The following PCDH11Y variants were observed in gnomAD, a reference collection of about 807,000 sequenced individuals.
The protein encoded by PCDH11Y is protocadherin-11 Y-linked.
For synonymous variants in PCDH11Y, 9 were observed against 83.6 expected, an observed-to-expected ratio of 0.11 and a Z score of 4.87; for missense variants, 12 against 224.8, an observed-to-expected ratio of 0.05 and a Z score of 6.05.
chrY:5,165,684 C>T (rs2052878644), intron 2 of PCDH11Y, among the ~76,000 whole-genome samples: 1 of 32,740 alleles, frequency 3.1e-5, no homozygotes, highest in African/African-American at 1.2e-4. Flanking sequence ...AAAGGAATCA[C>T]ACACAAAAAC....
At chrY:5,411,409 C>G in intron 2 of PCDH11Y, among the ~76,000 whole-genome samples, 1 of 26,253 alleles carries the variant, frequency 3.8e-5, no homozygotes, top group African/African-American at 1.5e-4. Flanking sequence ...TTCATAGTTT[C>G]TTTTGCTATG....
chrY:5,149,609 C>CAT (rs2052862324), intron 2 of PCDH11Y, among the ~76,000 whole-genome samples: 6 of 21,828 alleles, frequency 2.7e-4, no homozygotes, highest in Admixed American at 4.2e-4. Context: ...CACACACACA[C>CAT]ATATATATAT....
At chrY:5,165,169 AAT>A (rs2052878042) in intron 2 of PCDH11Y, among the ~76,000 whole-genome samples, 1 of 30,711 alleles carries the variant, frequency 3.3e-5, no homozygotes. Flanking sequence ...GAGAGGACAT[AAT>A]AGACTGGATT....
At chrY:5,549,139 G>A in intron 3 of PCDH11Y, among the ~76,000 whole-genome samples, 2 of 32,070 alleles carry the variant, frequency 6.2e-5, no homozygotes, top group African/African-American at 2.4e-4. Context: ...CTCCTGCATA[G>A]CAAAAGAAAC....
chrY:5,462,863 T>A (rs2053305005), intron 2 of PCDH11Y, among the ~76,000 whole-genome samples: 1 of 32,384 alleles, frequency 3.1e-5, no homozygotes, highest in Non-Finnish European at 7.5e-5. Context: ...CTCGAACTCC[T>A]GACCTCAGGT....
intron 2 of PCDH11Y, among the ~76,000 whole-genome samples, chrY:5,241,976 A>G: frequency 3.3e-5 from 1 of 30,307 alleles, no homozygotes; most frequent in Non-Finnish European, 7.9e-5. Context: ...TAGGTGGGGC[A>G]CGGTGGCTCA....
intron 2 of PCDH11Y, among the ~76,000 whole-genome samples, chrY:5,226,072 C>T: frequency 5.7e-5 from 1 of 17,595 alleles, no homozygotes; most frequent in South Asian, 1.8e-3. Context: ...AGTGCAATGA[C>T]GTGCTCTCGG....
At chrY:5,171,884 A>G (rs2124645650) in intron 2 of PCDH11Y, among the ~76,000 whole-genome samples, 1 of 33,049 alleles carries the variant, frequency 3.0e-5, no homozygotes, top group South Asian at 6.9e-4. Flanking sequence ...AAACTCATGC[A>G]GCTTATCTCG....
At chrY:5,327,968 G>A in intron 2 of PCDH11Y, among the ~76,000 whole-genome samples, 4 of 32,631 alleles carry the variant, frequency 1.2e-4, no homozygotes, top group African/African-American at 4.9e-4. Flanking sequence ...AGAAGGGGAC[G>A]GGCTTACCCT....
At chrY:5,306,287 AAC>A (rs535976345) in intron 2 of PCDH11Y, among the ~76,000 whole-genome samples, 355 of 27,982 alleles carry the variant, frequency 0.013, no homozygotes, top group Middle Eastern at 0.033. Context: ...CTGAGCCAAT[AAC>A]ACACACACAC....
chrY:5,368,140 C>G, intron 2 of PCDH11Y, among the ~76,000 whole-genome samples: 1 of 33,682 alleles, frequency 3.0e-5, no homozygotes, highest in Non-Finnish European at 7.4e-5. Flanking sequence ...GGACTCCAAA[C>G]TGGGCAACAG....
At chrY:5,597,355 A>G in intron 4 of PCDH11Y, among the ~76,000 whole-genome samples, 3 of 28,914 alleles carry the variant, frequency 1.0e-4, no homozygotes, top group African/African-American at 4.0e-4. Context: ...ATATGTGTGT[A>G]TATATATACG....
chrY:5,235,262 C>T, intron 2 of PCDH11Y, among the ~76,000 whole-genome samples: 1 of 30,937 alleles, frequency 3.2e-5, no homozygotes, highest in African/African-American at 1.3e-4. Context: ...AAGCCATAAT[C>T]ACTATTTTTT....
intron 2 of PCDH11Y, among the ~76,000 whole-genome samples, chrY:5,190,055 A>C: frequency 3.0e-5 from 1 of 33,197 alleles, no homozygotes; most frequent in Admixed American, 2.7e-4. Flanking sequence ...GGGCCCTTGA[A>C]AATTCCATTT....
At chrY:5,311,238 C>CT in intron 2 of PCDH11Y, among the ~76,000 whole-genome samples, 1 of 30,731 alleles carries the variant, frequency 3.3e-5, no homozygotes, top group African/African-American at 1.3e-4. Context: ...AAATACAAAA[C>CT]TTTTTTTGAT....
At position 5,050,532 on chromosome Y, in the gene PCDH11Y, A is replaced by C. The variant is rs1602850181; in HGVS notation, c.33-6357A>C. ...TAATCTGATAAAATGCTTTGTGCAG[A>C]TATTGCAATTAGTACTGAAGTTTGG... On this transcript the variant is annotated intron_variant, in intron 3 of 5. Coordinates refer to the PCDH11Y transcript ENST00000333703. Among the ~76,000 whole-genome samples, 12 of 33,198 alleles carry C rather than the reference A, an allele frequency of 3.6e-4. No homozygotes were observed. In the East Asian group the frequency reaches 9.6e-3, roughly 26 times the overall value. The allele number at this position is 33,198 out of a possible 37,273, so 89.1% of individuals were successfully genotyped here.
chrY:5,104,901 A>G, downstream of PCDH11Y: 1 of 225,066 alleles, frequency 4.4e-6, no homozygotes, highest in South Asian at 1.7e-4. Context: ...AATATTGACT[A>G]ACATAATATT....
At chrY:5,565,960 A>G in intron 3 of PCDH11Y, among the ~76,000 whole-genome samples, 1 of 24,009 alleles carries the variant, frequency 4.2e-5, no homozygotes, top group South Asian at 9.7e-4. Context: ...ATATATATAT[A>G]TAATATATAT....
chrY:5,434,980 A>G (rs2053272522), intron 2 of PCDH11Y, among the ~76,000 whole-genome samples: 1 of 33,445 alleles, frequency 3.0e-5, no homozygotes, highest in Non-Finnish European at 7.4e-5. Flanking sequence ...TACATATTCA[A>G]CAGGTTACAG....
Sources: allele counts gnomAD v4.1 joint callset (sites outside exome capture counted in the v4.1 genomes callset), GRCh38; gene constraint gnomAD v4.1.1; transcripts MANE v1.5; gene names NCBI Gene and HGNC (gene_info 2026-07-23, HGNC 2026-07-21).